The following DEAF1 variants were observed in gnomAD, a reference collection of about 807,000 sequenced individuals.
DEAF1 encodes deformed epidermal autoregulatory factor 1 homolog.
Under a neutral mutation model 58.9 loss-of-function variants are expected in DEAF1, and 53 were observed. That is an observed-to-expected ratio of 0.90 (90% CI 0.72 to 1.13). The LOEUF is 1.13. Among genes scored for constraint, DEAF1 ranks in the 50% most tolerant of loss-of-function variants. The pLI is 0.00. For synonymous variants in DEAF1, 385 were observed against 340.4 expected, an observed-to-expected ratio of 1.13 and a Z score of -1.44; for missense variants, 685 against 791.4, an observed-to-expected ratio of 0.87 and a Z score of 1.61.
chr11:653,633 G>T (rs926456185), intron 11 of DEAF1, among the ~76,000 whole-genome samples: 7 of 150,700 alleles, frequency 4.6e-5, no homozygotes, highest in African/African-American at 1.7e-4. Context: ...CTCTGCAGGG[G>T]TGTGGAGGGC....
At position 688,229 on chromosome 11, in the gene DEAF1, A is replaced by C; in HGVS notation, c.517+102T>G. On this transcript the variant is annotated intron_variant, in intron 3 of 11. Coordinates refer to ENST00000382409, the MANE Select transcript of DEAF1 (RefSeq NM_021008.4). This position sits in a 1 kb window ranked among gnomAD's most constrained non-coding sequence, Gnocchi z 4.3. ...AAAATCTATTAATAGATGATATTCC[A>C]AATTTACCACAAAAAGAAACAAGTA... The C allele has an allele frequency of 6.5e-7, 1 of 1,537,554 alleles. No homozygotes were observed. The highest frequency in any genetic ancestry group is 8.8e-7 in the Non-Finnish European group (1 of 1,137,092).
chr11:644,410 A>G lies in DEAF1; in HGVS notation c.*140T>C, dbSNP rs1858380877. 4.1e-6 allele frequency: 3 copies of G among 723,956 alleles called. No homozygotes were observed. Among genetic ancestry groups the G allele is most frequent in the South Asian group, 3.0e-5 (2 of 66,758 alleles). The allele number at this position is 723,956 out of a possible 1,614,324, so 44.8% of individuals were successfully genotyped here. A position where few individuals can be genotyped will look rare whatever the true frequency, so the allele number is the denominator to read the frequency against. ...GGGCACCATTCGCTTAAAGTGTGTTAATGACTTGTCCAGCAAGTTTCTTTA... is the reference window on the plus strand; with the variant it reads ...GGGCACCATTCGCTTAAAGTGTGTTGATGACTTGTCCAGCAAGTTTCTTTA... On this transcript the variant is annotated 3_prime_UTR_variant, in exon 12 of 12. Transcript: ENST00000382409. The surrounding 1 kb of genome is among the most constrained non-coding windows in gnomAD (Gnocchi z 4.3).
At chr11:707,021 G>A (rs1328240777) in exon 1 of DEAF1, among the ~76,000 whole-genome samples, 1 of 151,948 alleles carries the variant, frequency 6.6e-6, no homozygotes, top group East Asian at 1.9e-4. Flanking sequence ...GGGGAGGCAG[G>A]GCCGGGCATG....
chr11:667,988 G>T (rs6598001), intron 10 of DEAF1, among the ~76,000 whole-genome samples: 34,529 of 147,166 alleles, frequency 0.23, 6,008 homozygotes, highest in African/African-American at 0.5. Flanking sequence ...GGCGCACGCC[G>T]ATAGTCCCAG....
intron 11 of DEAF1, among the ~76,000 whole-genome samples, chr11:650,989 G>T (rs1263150165): frequency 6.6e-6 from 1 of 151,638 alleles, no homozygotes; most frequent in East Asian, 1.9e-4. Context: ...TTGAGATGGA[G>T]TCTCGCTCTG....
intron 7 of DEAF1, 74 bp from the exon 8 acceptor site, chr11:679,890 G>A (rs548511056): frequency 2.5e-6 from 4 of 1,597,178 alleles, no homozygotes; most frequent in Non-Finnish European, 3.4e-6. Context: ...GCCACCCACG[G>A]GCGCCAATCC....
intron 1 of DEAF1, chr11:706,148 C>T (rs1453487526): frequency 6.6e-6 from 1 of 152,240 alleles, no homozygotes; most frequent in African/African-American, 2.4e-5. Context: ...CAGGTTCCTC[C>T]TCTCCCGGCC....
chr11:671,141 G>T (rs1384904835), intron 10 of DEAF1, among the ~76,000 whole-genome samples: 2 of 151,538 alleles, frequency 1.3e-5, no homozygotes, highest in East Asian at 1.9e-4. Flanking sequence ...TGTTAGCCAG[G>T]ATGGTCTCGA....
At position 695,089 on chromosome 11, in the gene DEAF1, G is replaced by C. The variant is rs993898927; in HGVS notation, c.-42C>G. ...CTTCCCGAAGGCGCCGTCCGGGACC[G>C]CCCGAAGCGCCGGTCGCGGAGCCCG... On this transcript the variant is annotated 5_prime_UTR_variant, in exon 1 of 12. Coordinates refer to ENST00000382409, the MANE Select transcript of DEAF1 (RefSeq NM_021008.4). 1.4e-5 allele frequency: 19 copies of C among 1,405,426 alleles called. No individual in the cohort carries two copies. The highest frequency in any genetic ancestry group is 3.0e-5 in the Admixed American group (1 of 32,876). 87.1% of individuals were successfully genotyped at this position (1,405,426 alleles called of 1,614,324 possible).
intron 10 of DEAF1, among the ~76,000 whole-genome samples, chr11:673,483 G>A (rs994854058): frequency 1.3e-5 from 2 of 152,184 alleles, no homozygotes; most frequent in African/African-American, 4.8e-5. Flanking sequence ...AGCCGAGATT[G>A]TGCCACTGCA....
In DEAF1 at chr11:662,496, GACC is replaced by G. The variant is rs200836398; in HGVS notation, c.1504-8448_1504-8446del. Reference sequence around the variant, plus strand: ...ACAGGGCAGGAGGACGCCAACATGCGACCACCTTCCTCCCCTCGCCGACCTCCG... The same window carrying G: ...ACAGGGCAGGAGGACGCCAACATGCGACCTTCCTCCCCTCGCCGACCTCCG... On this transcript the variant is annotated intron_variant, in intron 10 of 11. Transcript: ENST00000382409. 6.2e-3 allele frequency among the ~76,000 whole-genome samples: 950 copies of G among 152,114 alleles called. 13 individuals carry two copies. The highest frequency in any genetic ancestry group is 0.029 in the East Asian group (149 of 5,186).
chr11:691,612 A>T lies in DEAF1; in HGVS notation c.290-14T>A, dbSNP rs932986185. The T allele has an allele frequency of 7.4e-6, 12 of 1,611,972 alleles. No individual in the cohort carries two copies. In the African/African-American group the frequency reaches 1.6e-4, roughly 22 times the overall value. On this transcript the variant is annotated splice_polypyrimidine_tract_variant and intron_variant, in intron 1 of 11. Transcript: ENST00000382409. ...CTGTGGTCACCTCTGCAACAGAAGG[A>T]GCCTCATTTAACAAGCAACAAAAGC...
intron 5 of DEAF1, 30 bp downstream of exon 5, chr11:686,828 G>A: frequency 1.2e-6 from 2 of 1,613,704 alleles, no homozygotes; most frequent in Non-Finnish European, 1.7e-6. Context: ...TGAACTGTGT[G>A]CTGAGCACAG....
intron 10 of DEAF1, among the ~76,000 whole-genome samples, chr11:670,196 A>C (rs1859749690): frequency 6.6e-6 from 1 of 152,014 alleles, no homozygotes. Flanking sequence ...TCATGCATTC[A>C]TCAAAACTCA....
intron 1 of DEAF1, chr11:704,798 G>C: frequency 2.1e-6 from 1 of 486,484 alleles, no homozygotes; most frequent in Non-Finnish European, 3.4e-6. Context: ...ACTCAAAATC[G>C]TGTTGACAGG....
chr11:687,031 G>A (rs1275101272), intron 4 of DEAF1, 34 bp from the exon 5 acceptor site: 2 of 1,612,900 alleles, frequency 1.2e-6, no homozygotes, highest in South Asian at 2.2e-5. Context: ...GATGATGGCA[G>A]GTGGGAACGT....
chr11:689,502 C>T (rs983853115), intron 2 of DEAF1, among the ~76,000 whole-genome samples: 34 of 152,038 alleles, frequency 2.2e-4, no homozygotes, highest in Non-Finnish European at 3.4e-4. Context: ...GGAGCCACCG[C>T]GCCCAGCTGA....
intron 1 of DEAF1, among the ~76,000 whole-genome samples, chr11:692,908 T>C (rs6597991): frequency 0.69 from 104,585 of 151,414 alleles, 36,235 homozygotes; most frequent in East Asian, 0.93. Context: ...CCACACCAGG[T>C]GCACGGTTCC....
intron 1 of DEAF1, chr11:705,331 C>G (rs977939665): frequency 6.3e-6 from 1 of 157,880 alleles, no homozygotes; most frequent in Non-Finnish European, 1.4e-5. Flanking sequence ...GCAGCCGGTG[C>G]TACCCGCTGT....
Sources: gnomAD v4.1 joint callset for allele counts (sites outside exome capture counted in the v4.1 genomes callset) on GRCh38, gnomAD v4.1.1 for gene constraint, Gnocchi (gnomAD v3.1) non-coding constraint, MANE v1.5 for transcripts, NCBI Gene and HGNC (gene_info 2026-07-23, HGNC 2026-07-21) for gene names.